SGSH: variants seen among roughly 807,000 people sequenced by gnomAD.
SGSH encodes heparan sulfate sulfatase.
In SGSH, 48 loss-of-function variants were observed where a neutral mutation model predicts 51.0. That is an observed-to-expected ratio of 0.94 (90% CI 0.75 to 1.20). The LOEUF (loss-of-function observed/expected upper bound fraction) is 1.20. Ranked by LOEUF, SGSH falls within the 50% of genes most tolerant of loss-of-function variation. The pLI, the probability that SGSH is intolerant of heterozygous loss-of-function variation, is 0.00. For synonymous variants in SGSH, 321 were observed against 313.4 expected, an observed-to-expected ratio of 1.02 and a Z score of -0.26; for missense variants, 662 against 717.8, an observed-to-expected ratio of 0.92 and a Z score of 0.89.
chr17:80,218,347 C>T lies in SGSH; in HGVS notation c.89-1155G>A, dbSNP rs542331491. Among the ~76,000 whole-genome samples, 45 of 152,344 alleles carry T rather than the reference C, an allele frequency of 3.0e-4. No homozygotes were observed. In the East Asian group the frequency reaches 6.2e-3, roughly 21 times the overall value. On this transcript the variant is annotated intron_variant, in intron 1 of 7. Transcript: ENST00000326317. ...AGCTGAGGCCCAGAAAGGTGAGGTGCAGTGCCCAGGGCCACACACTGGGCA... is the reference window on the plus strand; with the variant it reads ...AGCTGAGGCCCAGAAAGGTGAGGTGTAGTGCCCAGGGCCACACACTGGGCA...
At chr17:80,215,906 A>C (rs763568870) in intron 2 of SGSH, among the ~76,000 whole-genome samples, 16 of 152,224 alleles carry the variant, frequency 1.1e-4, no homozygotes, top group Non-Finnish European at 2.4e-4. Context: ...TGACGGATGA[A>C]TATGGAGAAG....
chr17:80,212,387 CG>C lies in SGSH; in HGVS notation c.746-114del. 1.0e-6 allele frequency: 1 copy of C among 958,868 alleles called. No homozygotes were observed. Among genetic ancestry groups the C allele is most frequent in the South Asian group, 1.4e-5 (1 of 71,792 alleles). The allele number at this position is 958,868 out of a possible 1,614,324, so 59.4% of individuals were successfully genotyped here. A position where few individuals can be genotyped will look rare whatever the true frequency, so the allele number is the denominator to read the frequency against. On this transcript the variant is annotated intron_variant, in intron 6 of 7. Coordinates refer to ENST00000326317, the MANE Select transcript of SGSH (RefSeq NM_000199.5). This position sits in a 1 kb window ranked among gnomAD's most constrained non-coding sequence, Gnocchi z 5.9. Reference sequence around the variant, plus strand: ...CCGGCCGCTGGGCTCCAGCGCTTTCCGGATTCGAAAGCACCCTGTAGTTCTT... The same window carrying C: ...CCGGCCGCTGGGCTCCAGCGCTTTCCGATTCGAAAGCACCCTGTAGTTCTT...
chr17:80,202,037 A>G, downstream of SGSH: 1 of 1,195,302 alleles, frequency 8.4e-7, no homozygotes, highest in East Asian at 2.4e-5. Flanking sequence ...CCAGCTGGAA[A>G]CCTCCCACCC....
downstream of SGSH, chr17:80,204,998 G>A (rs766362990): frequency 8.7e-6 from 13 of 1,502,458 alleles, no homozygotes; most frequent in Admixed American, 2.1e-5. Context: ...GGGGGCTGCC[G>A]CAGCCTCACC....
chr17:80,202,459 G>A, downstream of SGSH: 2 of 1,594,250 alleles, frequency 1.3e-6, no homozygotes, highest in South Asian at 1.1e-5. Context: ...CCCCAGAGAG[G>A]CCCACAGGGA....
At position 80,210,516 on chromosome 17, in the gene SGSH, G is replaced by T. The variant is rs376296818; in HGVS notation, c.1445C>A (p.Ala482Asp). The change falls in exon 8 of 8, where the codon GCC becomes GAC. Residue 482 changes from alanine (A) to aspartate (D), a missense_variant. By Grantham distance (126) the Ala-to-Asp change is moderately radical (BLOSUM62 -2). Transcript: ENST00000326317. Reference protein sequence around the residue: ...QWETHDPWVCAPDGVLEEKLS... With the variant: ...QWETHDPWVCDPDGVLEEKLS... ...CTTCTCCTCCAGGACGCCGTCGGGG[G>T]CGCACACCCAGGGGTCGTGGGTCTC... 6.2e-7 allele frequency: 1 copy of T among 1,609,778 alleles called. No individual in the cohort carries two copies. Among genetic ancestry groups the T allele is most frequent in the Non-Finnish European group, 8.5e-7 (1 of 1,179,574 alleles).
chr17:80,208,720 T>C (rs142547765), downstream of SGSH: 122 of 193,672 alleles, frequency 6.3e-4, no homozygotes, highest in African/African-American at 2.7e-3. Context: ...CTATGGGGGC[T>C]GCACTTCCCT....
At chr17:80,202,542 A>T (rs2041042297), downstream of SGSH, 84 of 1,473,822 alleles carry the variant, frequency 5.7e-5, no homozygotes, top group Non-Finnish European at 7.4e-5. Flanking sequence ...GACCCCCCTA[A>T]GGAGGGAAGC....
In SGSH at chr17:80,214,229, G is replaced by A. The variant is rs544509805; in HGVS notation, c.606C>T (p.Ser202=). The change falls in exon 5 of 8, where the codon AGC becomes AGT. Residue 202 remains serine (S), a synonymous_variant. Coordinates refer to ENST00000326317, the MANE Select transcript of SGSH (RefSeq NM_000199.5). ...TFCEKFGNGE[S]GMGRIPDWTP... is the part of the protein sequence containing the mutation. ...TCCAGTCTGGGATACGACCCATGCC[G>A]CTCTCTCCGTTGCCAAACTTCTCAC... 1.6e-5 allele frequency: 26 copies of A among 1,612,922 alleles called. No homozygotes were observed. Among genetic ancestry groups the A allele is most frequent in the Admixed American group, 8.3e-5 (5 of 59,990 alleles).
At chr17:80,205,899 G>A (rs1021982106), downstream of SGSH, 25 of 417,962 alleles carry the variant, frequency 6.0e-5, no homozygotes, top group African/African-American at 4.5e-4. Flanking sequence ...ATGTTTAATA[G>A]ATATTTGTTC....
In SGSH at chr17:80,210,593, G is replaced by T. The variant is rs762083993; in HGVS notation, c.1368C>A (p.Arg456=). 8 of 1,613,410 alleles carry T rather than the reference G, an allele frequency of 5.0e-6. No homozygotes were observed. The African/African-American group carries it at 8.0e-5, about 16-fold the overall frequency. Residue 456 remains arginine, a synonymous_variant, in exon 8 of 8, where the codon CGC becomes CGA. Coordinates refer to ENST00000326317, the MANE Select transcript of SGSH (RefSeq NM_000199.5). The stretch of plus-strand genomic sequence containing the variant: ...GAAGCATCTCCAGAAGCTGAGCAAA[G>T]CGCGGGTCGGTGGCCAGGTTCTGGG... The part of the protein sequence containing the change: ...HETQNLATDP[R]FAQLLEMLRD...
downstream of SGSH, chr17:80,204,033 C>A: frequency 1.2e-6 from 1 of 806,720 alleles, no homozygotes; most frequent in Non-Finnish European, 2.0e-6. Flanking sequence ...CCCTTCAAAC[C>A]AGGGCAGGGT....
downstream of SGSH, chr17:80,204,656 C>G: frequency 2.6e-6 from 1 of 386,702 alleles, no homozygotes; most frequent in Non-Finnish European, 4.7e-6. Context: ...GAGAGGAGTA[C>G]AGGACAGAGG....
chr17:80,204,336 T>G, downstream of SGSH: 1 of 1,570,802 alleles, frequency 6.4e-7, no homozygotes, highest in Non-Finnish European at 8.7e-7. Context: ...CCCAGCAGGA[T>G]GGAGGGTGAG....
In SGSH at chr17:80,210,128, G is replaced by C; in HGVS notation, c.*324C>G. ...AGAAAACAAGACTCCCTTGTCATGG[G>C]CTGGGGGCGCTGCCCTGTCCGCAGA... is the stretch of plus-strand genomic sequence containing the variant. On this transcript the variant is annotated 3_prime_UTR_variant, in exon 8 of 8. Transcript: ENST00000326317. The C allele has an allele frequency of 8.1e-7, 1 of 1,235,532 alleles. No homozygotes were observed. Among genetic ancestry groups the C allele is most frequent in the Non-Finnish European group, 1.0e-6 (1 of 980,498 alleles). 76.5% of individuals were successfully genotyped at this position (1,235,532 alleles called of 1,614,324 possible). A position where few individuals can be genotyped will look rare whatever the true frequency, so the allele number is the denominator to read the frequency against.
rs977948935 is a variant in SGSH at position 80,210,551 on chromosome 17, C to T, written c.1410G>A (p.Lys470=). The change falls in exon 8 of 8, where the codon AAG becomes AAA. Residue 470 remains lysine (K), a synonymous_variant. Coordinates refer to ENST00000326317, the MANE Select transcript of SGSH (RefSeq NM_000199.5). ...AGGGGTCGTGGGTCTCCCACTGCCA[C>T]TTGGCCAGCTGGTCCCGAAGCATCT... is the stretch of plus-strand genomic sequence containing the variant. ...LLEMLRDQLA[K]WQWETHDPWV... is the part of the protein sequence containing the mutation. 1.5e-5 allele frequency: 24 copies of T among 1,612,594 alleles called. No individual in the cohort carries two copies. Among genetic ancestry groups the T allele is most frequent in the African/African-American group, 8.0e-5 (6 of 74,922 alleles).
downstream of SGSH, chr17:80,208,373 G>C: frequency 6.5e-7 from 1 of 1,542,262 alleles, no homozygotes; most frequent in Non-Finnish European, 8.8e-7. Flanking sequence ...CGGGACTGTG[G>C]GGGCTTCTGT....
downstream of SGSH, chr17:80,205,628 T>C (rs777549666): frequency 1.3e-6 from 2 of 1,556,850 alleles, no homozygotes; most frequent in East Asian, 2.4e-5. Flanking sequence ...TGACCCGCCA[T>C]GCTGTGGAGT....
the SGSH span, chr17:80,201,695 G>C: frequency 1.9e-6 from 3 of 1,610,922 alleles, no homozygotes; most frequent in African/African-American, 4.0e-5. This position sits in a 1 kb window ranked among gnomAD's most constrained non-coding sequence, Gnocchi z 5.0. Flanking sequence ...CTTCTGGCTG[G>C]ATTCAGAGTC....
Sources: gnomAD v4.1 joint callset for allele counts (sites outside exome capture counted in the v4.1 genomes callset) on GRCh38, gnomAD v4.1.1 for gene constraint, Gnocchi (gnomAD v3.1) non-coding constraint, MANE v1.5 for transcripts, NCBI Gene and HGNC (gene_info 2026-07-23, HGNC 2026-07-21) for gene names.